HERC2: variants seen among roughly 807,000 people sequenced by gnomAD.
HERC2 encodes E3 ubiquitin-protein ligase HERC2.
In HERC2, 102 loss-of-function variants were observed where a neutral mutation model predicts 537.7. The observed-to-expected ratio is 0.19, with a 90% confidence interval of 0.16 to 0.22. The LOEUF (loss-of-function observed/expected upper bound fraction) is 0.22, where lower values mean the gene tolerates loss of function less well. HERC2 is among the 10% of genes least tolerant of loss of function. The probability of loss-of-function intolerance (pLI) is 1.00; values close to 1 mark genes in which losing one functional copy is unlikely to be tolerated. For synonymous variants in HERC2, 2,224 were observed against 2,466.2 expected (o/e 0.90, Z 2.91); for missense variants, 4,236 against 6,198.2 (o/e 0.68, Z 10.63).
chr15:28,192,151 C>T lies in HERC2; in HGVS notation c.8261G>A (p.Gly2754Asp). 6.2e-7 allele frequency: 1 copy of T among 1,609,450 alleles called. No individual in the cohort carries two copies. The highest frequency in any genetic ancestry group is 8.5e-7 in the Non-Finnish European group (1 of 1,176,670). The change falls in exon 53 of 93, where the codon GGT (glycine) becomes GAT (aspartate). Residue 2754 changes from glycine (G) to aspartate (D), a missense_variant and splice_region_variant. By Grantham distance (94) the Gly-to-Asp change is moderately conservative. This residue lies in a region of HERC2 where 606 missense variants were observed against 884.5 expected (regional missense o/e 0.69). Transcript: ENST00000261609. ...RHTFGRINEP[G>D]QSAVFCGRSG... Reference sequence around the variant, plus strand: ...ACGGCCACAAAATACCGCAGACTGACCTATTTCGTGATAGTCAAAAAGAGA... The same window carrying T: ...ACGGCCACAAAATACCGCAGACTGATCTATTTCGTGATAGTCAAAAAGAGA...
intron 20 of HERC2, among the ~76,000 whole-genome samples, chr15:28,249,038 C>G (rs1904003587): frequency 6.6e-6 from 1 of 152,242 alleles, no homozygotes; most frequent in Non-Finnish European, 1.5e-5. Context: ...CAAAGGAATA[C>G]TTCCACATTC....
intron 2 of HERC2, among the ~76,000 whole-genome samples, chr15:28,315,145 C>T (rs8040689): frequency 0.065 from 9,815 of 151,702 alleles, 483 homozygotes; most frequent in African/African-American, 0.23. Context: ...TCCAGAAGGT[C>T]TGCAAGAAGA....
intron 2 of HERC2, among the ~76,000 whole-genome samples, chr15:28,306,693 A>G (rs570370184): frequency 3.1e-4 from 47 of 152,330 alleles, no homozygotes; most frequent in African/African-American, 8.4e-4. Context: ...TGAAGTCACC[A>G]GGTCCTGGGG....
intron 44 of HERC2, among the ~76,000 whole-genome samples, chr15:28,206,637 TC>T (rs1241691212): frequency 1.3e-5 from 2 of 151,518 alleles, no homozygotes; most frequent in African/African-American, 4.9e-5. Flanking sequence ...ATCAAGACCA[TC>T]CTGGGTAACA....
rs1203892572 is a variant in HERC2 at position 28,175,775 on chromosome 15, C to T, written c.9687-119G>A. 4 of 947,270 alleles carry T rather than the reference C, an allele frequency of 4.2e-6. No homozygotes were observed. The African/African-American group carries it at 6.5e-5, about 15-fold the overall frequency. 58.7% of individuals were successfully genotyped at this position (947,270 alleles called of 1,614,324 possible). A position where few individuals can be genotyped will look rare whatever the true frequency, so the allele number is the denominator to read the frequency against. ...AGCTCAATGACATCACACACAGCAC[C>T]CAAGGTCTTCAAACTTGTATTCAAA... On this transcript the variant is annotated intron_variant, in intron 63 of 92. Coordinates refer to ENST00000261609, the MANE Select transcript of HERC2 (RefSeq NM_004667.6).
intron 4 of HERC2, among the ~76,000 whole-genome samples, chr15:28,281,250 C>A (rs1430964880): frequency 1.3e-5 from 2 of 152,164 alleles, no homozygotes; most frequent in Non-Finnish European, 2.9e-5. Flanking sequence ...AATCACAGGA[C>A]TGAAAATAAT....
At chr15:28,249,262 G>C (rs765601822) in intron 20 of HERC2, among the ~76,000 whole-genome samples, 1 of 152,100 alleles carries the variant, frequency 6.6e-6, no homozygotes, top group Admixed American at 6.6e-5. Context: ...GCCCTTACTC[G>C]CAAGCAGCAC....
chr15:28,237,609 C>G (rs1358998299), intron 25 of HERC2, among the ~76,000 whole-genome samples: 1 of 152,244 alleles, frequency 6.6e-6, no homozygotes, highest in East Asian at 1.9e-4. Flanking sequence ...AAGATATTTA[C>G]AGCAAAGTTA....
chr15:28,149,241 C>T (rs1892120410), intron 70 of HERC2, among the ~76,000 whole-genome samples: 1 of 150,876 alleles, frequency 6.6e-6, no homozygotes, highest in Non-Finnish European at 1.5e-5. Context: ...GAAAACATCA[C>T]CGAAAATGGC....
intron 45 of HERC2, among the ~76,000 whole-genome samples, chr15:28,204,146 C>T (rs1188555312): frequency 2.0e-5 from 3 of 152,032 alleles, no homozygotes; most frequent in African/African-American, 4.8e-5. Context: ...TACAATGTAA[C>T]GTCCAAAGAA....
chr15:28,150,982 CAGT>C (rs1483590854), intron 70 of HERC2, among the ~76,000 whole-genome samples: 1 of 152,106 alleles, frequency 6.6e-6, no homozygotes, highest in East Asian at 1.9e-4. Flanking sequence ...GAGGACCAGT[CAGT>C]AAAACTAAGA....
At position 28,265,572 on chromosome 15, in the gene HERC2, T is replaced by A. The variant is rs773443875; in HGVS notation, c.1870+46A>T. 10 of 1,503,596 alleles carry A rather than the reference T, an allele frequency of 6.7e-6. No individual in the cohort carries two copies. In the South Asian group the frequency reaches 1.1e-4, roughly 17 times the overall value. The allele number at this position is 1,503,596 out of a possible 1,614,324, so 93.1% of individuals were successfully genotyped here. A position where few individuals can be genotyped will look rare whatever the true frequency, so the allele number is the denominator to read the frequency against. ...CTCACTTCCTCCAGGGAAGCTGCCA[T>A]GCGTGTCCTCGTGGGCCTGTCCAGG... is the stretch of plus-strand genomic sequence containing the variant. On this transcript the variant is annotated intron_variant, in intron 14 of 92. Transcript: ENST00000261609. The surrounding 1 kb of genome is among the most constrained non-coding windows in gnomAD (Gnocchi z 4.0).
At chr15:28,136,635 T>C (rs926724172) in intron 78 of HERC2, among the ~76,000 whole-genome samples, 1 of 152,276 alleles carries the variant, frequency 6.6e-6, no homozygotes, top group East Asian at 1.9e-4. Context: ...TGGCAAATTA[T>C]GGCCCATGTG....
chr15:28,192,312 T>G (rs774568182), intron 52 of HERC2, among the ~76,000 whole-genome samples, 161 bp from the exon 53 acceptor site: 1 of 152,214 alleles, frequency 6.6e-6, no homozygotes, highest in Non-Finnish European at 1.5e-5. Flanking sequence ...AGTCAAGATA[T>G]AGTTACACCA....
At chr15:28,232,217 A>T (rs1341826381) in intron 30 of HERC2, among the ~76,000 whole-genome samples, 3 of 152,208 alleles carry the variant, frequency 2.0e-5, no homozygotes, top group African/African-American at 7.2e-5. Flanking sequence ...GTCAATAAGC[A>T]GGTTTGTGAG....
At position 28,246,081 on chromosome 15, in the gene HERC2, T is replaced by C. The variant is rs374946389; in HGVS notation, c.3392-15A>G. On this transcript the variant is annotated splice_polypyrimidine_tract_variant and intron_variant, in intron 22 of 92. Transcript: ENST00000261609. ...AAGGAGAACACCTACATTTAAGAAA[T>C]AATAAGATTTAAATAAGTATTTATC... The C allele has an allele frequency of 6.6e-7, 1 of 1,507,788 alleles. No individual in the cohort carries two copies. Among genetic ancestry groups the C allele is most frequent in the Non-Finnish European group, 9.1e-7 (1 of 1,100,276 alleles). The allele number at this position is 1,507,788 out of a possible 1,614,324, so 93.4% of individuals were successfully genotyped here.
intron 48 of HERC2, among the ~76,000 whole-genome samples, chr15:28,200,137 C>T (rs1244761516): frequency 2.0e-5 from 3 of 152,176 alleles, no homozygotes; most frequent in Non-Finnish European, 4.4e-5. Context: ...TGGCTCACGC[C>T]TATAATCCCA....
chr15:28,125,138 G>A lies in HERC2; in HGVS notation c.12858C>T (p.Thr4286=). The A allele has an allele frequency of 5.0e-6, 8 of 1,614,106 alleles. No homozygotes were observed. The highest frequency in any genetic ancestry group is 6.8e-6 in the Non-Finnish European group (8 of 1,179,948). The change falls in exon 84 of 93, where the codon ACC becomes ACT. Residue 4286 remains threonine (T), a synonymous_variant. Coordinates refer to ENST00000261609, the MANE Select transcript of HERC2 (RefSeq NM_004667.6). ...CCAACCGAGGCCTCTGGATGGCATTGGTGGTTCCGTCTCCCAGTTGTCCCT... is the reference window on the plus strand; with the variant it reads ...CCAACCGAGGCCTCTGGATGGCATTAGTGGTTCCGTCTCCCAGTTGTCCCT... ...NDEGQLGDGT[T]NAIQRPRLVA...
chr15:28,282,265 TAAC>T (rs1384912892), intron 4 of HERC2, among the ~76,000 whole-genome samples: 1 of 152,188 alleles, frequency 6.6e-6, no homozygotes, highest in East Asian at 1.9e-4. Flanking sequence ...TAGAGTCGCC[TAAC>T]AACATGTTCT....
Sources: gnomAD v4.1 joint callset for allele counts (sites outside exome capture counted in the v4.1 genomes callset) on GRCh38, gnomAD v4.1.1 for gene constraint, gnomAD v4.1.1 regional missense constraint, Gnocchi (gnomAD v3.1) non-coding constraint, MANE v1.5 for transcripts, NCBI Gene and HGNC (gene_info 2026-07-23, HGNC 2026-07-21) for gene names.